The following AP3D1 variants were observed in gnomAD, a reference collection of about 807,000 sequenced individuals.
The protein encoded by AP3D1 is adaptor related protein complex 3 subunit delta 1, also known as AP-3 complex subunit delta-1.
A neutral mutation model predicts 147.6 loss-of-function variants in AP3D1; 51 were observed. The ratio of observed to expected loss-of-function variants is 0.35; its 90% CI spans 0.28 to 0.44. The LOEUF is 0.44. Ranked by LOEUF, AP3D1 falls within the 20% of genes least tolerant of loss-of-function variation. The pLI is 1.00. For synonymous variants in AP3D1, 760 were observed against 663.0 expected (o/e 1.15, Z -2.25); for missense variants, 1,421 against 1,624.2 (o/e 0.87, Z 2.15).
At chr19:2,127,972 G>C (rs1317992570) in intron 8 of AP3D1, among the ~76,000 whole-genome samples, 1 of 152,230 alleles carries the variant, frequency 6.6e-6, no homozygotes, top group Non-Finnish European at 1.5e-5. Context: ...AGCTTCAGCA[G>C]TGAAGTCCGT....
Position 2,109,222 on chromosome 19 carries a change from G to A in AP3D1, c.3351-15C>T. On this transcript the variant is annotated splice_polypyrimidine_tract_variant and intron_variant, in intron 29 of 31. Coordinates refer to ENST00000643116, the MANE Select transcript of AP3D1 (RefSeq NM_001261826.3). ...CAAAGGCGTCACTGTGGGAGGGACA[G>A]GGAGGCTGACTGCGGTGGGGCCGGG... 1 of 1,569,042 alleles carries A rather than the reference G, an allele frequency of 6.4e-7. No individual in the cohort carries two copies. The highest frequency in any genetic ancestry group is 8.6e-7 in the Non-Finnish European group (1 of 1,160,634).
At chr19:2,114,067 G>C (rs894403311) in intron 22 of AP3D1, 58 bp downstream of exon 22, 4 of 1,521,042 alleles carry the variant, frequency 2.6e-6, no homozygotes, top group South Asian at 1.3e-5. Flanking sequence ...CTGTCTCCTG[G>C]GAGTTCACGG....
At chr19:2,142,452 C>T (rs554643694) in intron 1 of AP3D1, among the ~76,000 whole-genome samples, 1 of 152,100 alleles carries the variant, frequency 6.6e-6, no homozygotes, top group Non-Finnish European at 1.5e-5. Flanking sequence ...ACCTGGCTGG[C>T]GCTTTTTCTA....
chr19:2,158,293 T>A (rs1281531292), intron 1 of AP3D1, among the ~76,000 whole-genome samples: 2 of 151,646 alleles, frequency 1.3e-5, no homozygotes, highest in African/African-American at 4.8e-5. Context: ...CCTGACCTTG[T>A]GATCCGCCCA....
rs757903706 is a variant in AP3D1 at position 2,121,263 on chromosome 19, C to T, written c.1150G>A (p.Val384Ile). ...TAGGTGGTACCCTCTGCCTTGTCTA[C>T]GTGGGTCATCAGCTTCTTCACGATC... ...MEIVKKLMTH[V>I]DKAEGTTYRD... is the part of the protein sequence containing the mutation. The change falls in exon 13 of 32, where the codon GTA (valine) becomes ATA (isoleucine). Residue 384 changes from valine (V) to isoleucine (I), a missense_variant. Physicochemically the swap from Val to Ile is conservative, Grantham distance 29. This residue lies in a region of AP3D1 where 310 missense variants were observed against 388.1 expected (regional missense o/e 0.80). Coordinates refer to ENST00000643116, the MANE Select transcript of AP3D1 (RefSeq NM_001261826.3). The T allele has an allele frequency of 8.1e-6, 13 of 1,614,194 alleles. No individual in the cohort carries two copies. The highest frequency in any genetic ancestry group is 2.2e-5 in the South Asian group (2 of 91,086).
intron 1 of AP3D1, among the ~76,000 whole-genome samples, chr19:2,146,631 G>A (rs1174327831): frequency 1.4e-5 from 2 of 142,836 alleles, no homozygotes; most frequent in South Asian, 2.3e-4. Flanking sequence ...AAAAAAAGCC[G>A]TACAATGTCC....
chr19:2,164,347 C>G, intron 1 of AP3D1: 1 of 995,850 alleles, frequency 1.0e-6, no homozygotes, highest in Non-Finnish European at 1.3e-6. Flanking sequence ...CCCCCCAAGC[C>G]GCGCTCACCG....
chr19:2,161,885 GTTGTAGTGACTGGA>G (rs1458342908), intron 1 of AP3D1, among the ~76,000 whole-genome samples: 1 of 151,910 alleles, frequency 6.6e-6, no homozygotes, highest in Non-Finnish European at 1.5e-5. Context: ...GGAGGCGCTG[GTTGTAGTGACTGGA>G]GATCCCAGTC....
chr19:2,154,200 G>A (rs111997591), upstream of AP3D1, among the ~76,000 whole-genome samples: 83 of 151,718 alleles, frequency 5.5e-4, no homozygotes, highest in African/African-American at 2.0e-3. Context: ...CGCCTTCCTT[G>A]GCCTCCCCAA....
intron 1 of AP3D1, among the ~76,000 whole-genome samples, chr19:2,140,540 ATCACTGC>A (rs1405590977): frequency 4.6e-5 from 7 of 151,174 alleles, no homozygotes; most frequent in Non-Finnish European, 8.8e-5. Flanking sequence ...CAGTGGTGAG[ATCACTGC>A]TCACTGCAGC....
At chr19:2,148,504 AT>A (rs1450334896) in intron 1 of AP3D1, among the ~76,000 whole-genome samples, 1 of 152,218 alleles carries the variant, frequency 6.6e-6, no homozygotes, top group African/African-American at 2.4e-5. Context: ...ATTAAATTGA[AT>A]TCACAACCCA....
Position 2,151,328 on chromosome 19 carries a change from G to A in AP3D1, c.7C>T (p.Leu3Phe), listed in dbSNP as rs779292296. The A allele has an allele frequency of 8.8e-6, 14 of 1,584,266 alleles. No homozygotes were observed. Among genetic ancestry groups the A allele is most frequent in the South Asian group, 2.3e-5 (2 of 88,332 alleles). The change falls in exon 1 of 32, where the codon CTC (leucine) becomes TTC (phenylalanine). Residue 3 changes from leucine to phenylalanine, a missense_variant. By Grantham distance (22) the Leu-to-Phe change is conservative (BLOSUM62 0). This residue lies in a region of AP3D1 where 292 missense variants were observed against 412.0 expected (regional missense o/e 0.71). Transcript: ENST00000643116. ...TCGATGCTGCCCTTCACCATCTTGAGGGCCATCGCGGCGGCCCACGGGCTT... is the reference window on the plus strand; with the variant it reads ...TCGATGCTGCCCTTCACCATCTTGAAGGCCATCGCGGCGGCCCACGGGCTT... The part of the protein sequence containing the change: MA[L>F]KMVKGSIDRM...
Position 2,101,943 on chromosome 19 carries a change from C to A in AP3D1, c.*230G>T. 2.0e-6 allele frequency: 1 copy of A among 511,744 alleles called. No individual in the cohort carries two copies. The highest frequency in any genetic ancestry group is 2.0e-5 in the African/African-American group (1 of 50,374). The allele number at this position is 511,744 out of a possible 1,614,324, so 31.7% of individuals were successfully genotyped here. Reference sequence around the variant, plus strand: ...GGGGAGTCCCTTGCTGGTTTGGGGGCGAGAAGGGGACTTCTTGCCAAAGAG... The same window carrying A: ...GGGGAGTCCCTTGCTGGTTTGGGGGAGAGAAGGGGACTTCTTGCCAAAGAG... On this transcript the variant is annotated 3_prime_UTR_variant, in exon 32 of 32. Coordinates refer to ENST00000643116, the MANE Select transcript of AP3D1 (RefSeq NM_001261826.3).
intron 1 of AP3D1, among the ~76,000 whole-genome samples, chr19:2,149,469 G>A (rs973699513): frequency 6.6e-6 from 1 of 151,870 alleles, no homozygotes; most frequent in African/African-American, 2.4e-5. Flanking sequence ...CTTGAACCTG[G>A]GAGGTGAAGG....
chr19:2,120,739 G>T, intron 14 of AP3D1, 123 bp downstream of exon 14: 1 of 977,266 alleles, frequency 1.0e-6, no homozygotes, highest in East Asian at 2.6e-5. Flanking sequence ...CCACGGACCT[G>T]CAAGACGGCC....
At chr19:2,118,980 C>A in intron 14 of AP3D1, 148 bp from the exon 15 acceptor site, 1 of 707,730 alleles carries the variant, frequency 1.4e-6, no homozygotes, top group Non-Finnish European at 2.3e-6. Flanking sequence ...GGCTGAGACA[C>A]GAAGTAGAAG....
chr19:2,149,795 G>A (rs184062749), intron 1 of AP3D1, among the ~76,000 whole-genome samples: 16 of 152,314 alleles, frequency 1.1e-4, no homozygotes, highest in Admixed American at 7.8e-4. Flanking sequence ...AAGGGAGCAG[G>A]GACGGGCGCT....
chr19:2,137,132 G>A (rs201564477), intron 3 of AP3D1, 41 bp from the exon 4 acceptor site: 227 of 1,511,530 alleles, frequency 1.5e-4, no homozygotes, highest in African/African-American at 1.8e-4. Flanking sequence ...CAGGACACCC[G>A]CAGCCTCCAG....
chr19:2,142,738 T>G (rs2019254229), intron 1 of AP3D1, among the ~76,000 whole-genome samples: 1 of 149,332 alleles, frequency 6.7e-6, no homozygotes, highest in African/African-American at 2.5e-5. Context: ...CAATGGGGGC[T>G]CTGAGGGGTT....
Sources: allele counts gnomAD v4.1 joint callset (sites outside exome capture counted in the v4.1 genomes callset), GRCh38; gene constraint gnomAD v4.1.1; regional missense constraint gnomAD v4.1.1; transcripts MANE v1.5; gene names NCBI Gene and HGNC (gene_info 2026-07-23, HGNC 2026-07-21).